Variants in ADAMTS3 observed in about 807,000 individuals in gnomAD.
ADAMTS3 encodes the protein A disintegrin and metalloproteinase with thrombospondin motifs 3.
Under a neutral mutation model 129.0 loss-of-function variants are expected in ADAMTS3, and 73 were observed. That is an observed-to-expected ratio of 0.57 (90% CI 0.47 to 0.69). ADAMTS3 has a LOEUF of 0.69. ADAMTS3 is among the 30% of genes least tolerant of loss of function. The pLI is 0.00. For synonymous variants in ADAMTS3, 477 were observed against 510.8 expected, an observed-to-expected ratio of 0.93 and a Z score of 0.89; for missense variants, 1,457 against 1,514.5, an observed-to-expected ratio of 0.96 and a Z score of 0.63.
chr4:72,446,938 A>C (rs1188558866), intron 3 of ADAMTS3, among the ~76,000 whole-genome samples: 3 of 151,726 alleles, frequency 2.0e-5, no homozygotes, highest in African/African-American at 7.2e-5. Context: ...CCTAAAATTG[A>C]TATTTTTACA....
At chr4:72,541,530 G>A (rs1334989645) in intron 3 of ADAMTS3, among the ~76,000 whole-genome samples, 2 of 152,168 alleles carry the variant, frequency 1.3e-5, no homozygotes, top group African/African-American at 4.8e-5. Flanking sequence ...CGGAGGCCAG[G>A]GTGGAATGAT....
intron 3 of ADAMTS3, among the ~76,000 whole-genome samples, chr4:72,485,763 C>T (rs1719574275): frequency 6.6e-6 from 1 of 152,148 alleles, no homozygotes; most frequent in Admixed American, 6.5e-5. Context: ...ACGTTGAAAC[C>T]TAACCCTTAC....
Position 72,339,691 on chromosome 4 carries a change from A to C in ADAMTS3, c.664T>G (p.Ser222Ala), listed in dbSNP as rs770188706. Residue 222 changes from serine to alanine, a missense_variant and splice_region_variant, in exon 5 of 22, where the codon TCG becomes GCG. Coordinates refer to ENST00000286657, the MANE Select transcript of ADAMTS3 (RefSeq NM_014243.3). The part of the protein sequence containing the change: ...DMSKDFHYRE[S>A]DLEGLDDLGT... ...AGATCATCAAGGCCTTCCAGGTCCG[A>C]CTCTAATAAGAGACAAAAGGAACCA... 6.2e-7 allele frequency: 1 copy of C among 1,613,482 alleles called. No individual in the cohort carries two copies. Among genetic ancestry groups the C allele is most frequent in the South Asian group, 1.1e-5 (1 of 91,048 alleles).
At chr4:72,542,680 G>A (rs1473544270) in intron 3 of ADAMTS3, among the ~76,000 whole-genome samples, 2 of 152,138 alleles carry the variant, frequency 1.3e-5, no homozygotes, top group East Asian at 1.9e-4. Flanking sequence ...AAACTCCAAA[G>A]TATGACCCAT....
chr4:72,482,734 T>TA (rs886966216), intron 3 of ADAMTS3, among the ~76,000 whole-genome samples: 43 of 152,048 alleles, frequency 2.8e-4, no homozygotes, highest in Non-Finnish European at 4.4e-4. Flanking sequence ...AGGTTTAATT[T>TA]AAAAAAAATG....
intron 5 of ADAMTS3, among the ~76,000 whole-genome samples, chr4:72,338,962 G>A (rs992926002): frequency 6.6e-6 from 1 of 152,102 alleles, no homozygotes; most frequent in Non-Finnish European, 1.5e-5. Context: ...GCAGCACCGT[G>A]CCAATAGTTG....
At chr4:72,352,766 G>C (rs555521385) in intron 4 of ADAMTS3, among the ~76,000 whole-genome samples, 39 of 151,982 alleles carry the variant, frequency 2.6e-4, no homozygotes, top group Non-Finnish European at 4.7e-4. Context: ...TAGACATGGA[G>C]AAATAGGGTG....
intron 3 of ADAMTS3, among the ~76,000 whole-genome samples, chr4:72,419,829 A>G (rs1021219819): frequency 2.0e-4 from 31 of 152,132 alleles, no homozygotes; most frequent in African/African-American, 5.8e-4. Flanking sequence ...ACGGAGGACT[A>G]TTAGTACTAT....
At chr4:72,389,268 T>C (rs1721523974) in intron 4 of ADAMTS3, among the ~76,000 whole-genome samples, 1 of 152,130 alleles carries the variant, frequency 6.6e-6, no homozygotes, top group African/African-American at 2.4e-5. Flanking sequence ...ATATTTTATA[T>C]AAATCCAGCA....
At chr4:72,290,014 C>T (rs1387704677) in intron 20 of ADAMTS3, among the ~76,000 whole-genome samples, 1 of 152,178 alleles carries the variant, frequency 6.6e-6, no homozygotes, top group Non-Finnish European at 1.5e-5. Context: ...TCTGCTTTTT[C>T]ATGCCCTTTC....
At chr4:72,374,948 CTTG>C (rs1721101050) in intron 4 of ADAMTS3, among the ~76,000 whole-genome samples, 1 of 152,120 alleles carries the variant, frequency 6.6e-6, no homozygotes, top group African/African-American at 2.4e-5. Flanking sequence ...AGCTGTATTG[CTTG>C]TATTGATCCG....
At chr4:72,399,317 C>T (rs989724745) in intron 4 of ADAMTS3, among the ~76,000 whole-genome samples, 31 of 151,962 alleles carry the variant, frequency 2.0e-4, no homozygotes, top group African/African-American at 7.2e-4. Context: ...CCTGTAGTCC[C>T]AGTTACTGGG....
intron 7 of ADAMTS3, 87 bp downstream of exon 7, chr4:72,320,627 C>T: frequency 7.2e-7 from 1 of 1,384,050 alleles, no homozygotes; most frequent in Non-Finnish European, 1.0e-6. Context: ...TGGTGGAGAG[C>T]AGAACATTTG....
chr4:72,535,910 C>T (rs1325642543), intron 3 of ADAMTS3, among the ~76,000 whole-genome samples: 1 of 152,182 alleles, frequency 6.6e-6, no homozygotes, highest in African/African-American at 2.4e-5. Context: ...AGATTCCTAA[C>T]TTAAAATATT....
At chr4:72,290,186 A>T (rs1357039771) in intron 20 of ADAMTS3, among the ~76,000 whole-genome samples, 1 of 152,244 alleles carries the variant, frequency 6.6e-6, no homozygotes, top group Non-Finnish European at 1.5e-5. Context: ...GTGCTGAGGA[A>T]ACAAGGCATA....
At chr4:72,503,700 G>T (rs1187194290) in intron 3 of ADAMTS3, among the ~76,000 whole-genome samples, 1 of 152,142 alleles carries the variant, frequency 6.6e-6, no homozygotes, top group Non-Finnish European at 1.5e-5. Flanking sequence ...TCAGTCAGTT[G>T]TTGAAATCCC....
intron 4 of ADAMTS3, among the ~76,000 whole-genome samples, chr4:72,349,284 G>A (rs1720366123): frequency 6.6e-6 from 1 of 151,834 alleles, no homozygotes; most frequent in African/African-American, 2.4e-5. Context: ...TATTAAAGAT[G>A]GTTATTATTG....
At chr4:72,567,685 C>T (rs572656543) in intron 1 of ADAMTS3, among the ~76,000 whole-genome samples, 7 of 152,290 alleles carry the variant, frequency 4.6e-5, no homozygotes, top group Admixed American at 1.3e-4. Flanking sequence ...TCTGAAATGT[C>T]GTACTGGGTC....
intron 2 of ADAMTS3, among the ~76,000 whole-genome samples, chr4:72,550,089 A>G (rs1414406517): frequency 8.5e-5 from 10 of 118,328 alleles, no homozygotes; most frequent in African/African-American, 3.2e-4. Context: ...GAGGAAGAAG[A>G]AGAAGAAGAA....
Sources: allele counts gnomAD v4.1 joint callset (sites outside exome capture counted in the v4.1 genomes callset), GRCh38; gene constraint gnomAD v4.1.1; transcripts MANE v1.5; gene names NCBI Gene and HGNC (gene_info 2026-07-23, HGNC 2026-07-21).